Variants in PCDHA1 observed in about 807,000 individuals in gnomAD.
PCDHA1 encodes protocadherin alpha 1.
Under a neutral mutation model 61.3 loss-of-function variants are expected in PCDHA1, and 42 were observed. The observed-to-expected ratio is 0.69, with a 90% CI of 0.54 to 0.89. PCDHA1 has a LOEUF of 0.89. PCDHA1 is among the 40% of genes least tolerant of loss of function. The probability of loss-of-function intolerance (pLI) is 0.00; values close to 1 mark genes in which losing one functional copy is unlikely to be tolerated. For synonymous variants in PCDHA1, 610 were observed against 553.8 expected, an observed-to-expected ratio of 1.10 and a Z score of -1.43; for missense variants, 1,256 against 1,235.3, an observed-to-expected ratio of 1.02 and a Z score of -0.25.
intron 1 of PCDHA1, among the ~76,000 whole-genome samples, chr5:140,793,726 C>A (rs905312067): frequency 1.3e-5 from 2 of 151,942 alleles, no homozygotes; most frequent in Middle Eastern, 3.2e-3. Context: ...GTGAAGGGAT[C>A]AGCTAAAAAT....
At chr5:140,794,849 G>C in intron 1 of PCDHA1, 1 of 1,171,258 alleles carries the variant, frequency 8.5e-7, no homozygotes, top group Middle Eastern at 2.1e-4. Flanking sequence ...GAGCCCCTTT[G>C]TTACTTCAGA....
chr5:140,814,689 T>C (rs1554126575), intron 1 of PCDHA1: 1 of 152,206 alleles, frequency 6.6e-6, no homozygotes, highest in Non-Finnish European at 1.5e-5. Context: ...TACAACATTA[T>C]GACTGCTACA....
intron 1 of PCDHA1, chr5:140,815,616 AC>A (rs1291156589): frequency 6.6e-6 from 1 of 152,118 alleles, no homozygotes; most frequent in Non-Finnish European, 1.5e-5. Flanking sequence ...CTTTTGTACC[AC>A]CATTACAGTA....
chr5:140,826,083 T>C (rs1190290121), intron 1 of PCDHA1, among the ~76,000 whole-genome samples: 2 of 152,240 alleles, frequency 1.3e-5, no homozygotes, highest in Non-Finnish European at 2.9e-5. Context: ...TTCAATTTTA[T>C]AAGTACCCTT....
intron 1 of PCDHA1, among the ~76,000 whole-genome samples, chr5:140,880,962 A>G (rs1439455519): frequency 6.6e-6 from 1 of 152,224 alleles, no homozygotes; most frequent in Non-Finnish European, 1.5e-5. Context: ...GATGAGGGTA[A>G]GAGAATACCA....
At chr5:140,855,797 T>C in intron 1 of PCDHA1, 1 of 465,668 alleles carries the variant, frequency 2.1e-6, no homozygotes, top group South Asian at 4.0e-5. Context: ...AATTAACATA[T>C]GAATGAAAGA....
intron 3 of PCDHA1, among the ~76,000 whole-genome samples, chr5:140,993,108 G>A (rs1554253416): frequency 6.6e-6 from 1 of 152,202 alleles, no homozygotes; most frequent in African/African-American, 2.4e-5. Flanking sequence ...TCAGCGGTCA[G>A]TGTCACATCA....
chr5:140,927,907 G>T, intron 1 of PCDHA1: 1 of 1,614,156 alleles, frequency 6.2e-7, no homozygotes, highest in Non-Finnish European at 8.5e-7. Context: ...TCATGCCCCC[G>T]AACTGGACTT....
chr5:140,856,128 G>A lies in PCDHA1; in HGVS notation c.2394+67444G>A, dbSNP rs1554148229. On this transcript the variant is annotated intron_variant, in intron 1 of 3. Coordinates refer to ENST00000504120, the MANE Select transcript of PCDHA1 (RefSeq NM_018900.4). ...CTCCTCGCAGCCTGGGAGGTGGGGA[G>A]CGGCCAGCTCCACTACTCAGTCTAC... The A allele has an allele frequency of 1.9e-6, 3 of 1,598,140 alleles. 1 individual carries two copies. The highest frequency in any genetic ancestry group is 2.6e-6 in the Non-Finnish European group (3 of 1,167,806).
intron 1 of PCDHA1, chr5:140,862,516 G>T: frequency 2.4e-6 from 1 of 409,748 alleles, no homozygotes; most frequent in South Asian, 1.9e-5. Flanking sequence ...CGCTTTCATT[G>T]TTGGCCACAG....
intron 1 of PCDHA1, among the ~76,000 whole-genome samples, chr5:140,959,996 A>T (rs1042631849): frequency 3.3e-5 from 5 of 152,228 alleles, no homozygotes; most frequent in Admixed American, 6.5e-5. Context: ...GATATGAAAT[A>T]CAAATCTATT....
intron 1 of PCDHA1, among the ~76,000 whole-genome samples, chr5:140,952,745 A>G (rs1554220592): frequency 6.6e-6 from 1 of 152,220 alleles, no homozygotes; most frequent in African/African-American, 2.4e-5. Context: ...TCACACTGCT[A>G]TAAAAACACC....
intron 1 of PCDHA1, chr5:140,795,815 A>C: frequency 6.2e-7 from 1 of 1,613,258 alleles, no homozygotes; most frequent in Non-Finnish European, 8.5e-7. Context: ...CTCGGTAGTG[A>C]TGTGTCCTCC....
intron 1 of PCDHA1, chr5:140,865,696 A>G (rs1233175579): frequency 2.0e-5 from 3 of 152,192 alleles, no homozygotes; most frequent in African/African-American, 7.2e-5. Flanking sequence ...GACTGTTCCA[A>G]TTTGAAAGAT....
intron 1 of PCDHA1, among the ~76,000 whole-genome samples, chr5:140,800,124 A>T (rs1762509621): frequency 6.6e-6 from 1 of 152,172 alleles, no homozygotes. Context: ...TAATTACTTT[A>T]TATTGTTAAC....
intron 1 of PCDHA1, chr5:140,808,730 G>A (rs1554124735): frequency 4.3e-6 from 7 of 1,612,050 alleles, no homozygotes; most frequent in Non-Finnish European, 5.9e-6. Flanking sequence ...TGCGGAGAGC[G>A]GCAAGGTGTA....
intron 1 of PCDHA1, chr5:140,801,391 G>C: frequency 1.2e-6 from 2 of 1,613,636 alleles, no homozygotes; most frequent in Non-Finnish European, 8.5e-7. Context: ...CGCCTGTTCC[G>C]GGTGGCGTCC....
intron 1 of PCDHA1, among the ~76,000 whole-genome samples, chr5:140,944,059 T>C (rs190208662): frequency 6.6e-6 from 1 of 152,296 alleles, no homozygotes; most frequent in East Asian, 1.9e-4. Flanking sequence ...TACAAAAAGG[T>C]TTCTTGTTAA....
chr5:140,890,594 T>A (rs1439050160), intron 1 of PCDHA1, among the ~76,000 whole-genome samples: 1 of 152,150 alleles, frequency 6.6e-6, no homozygotes, highest in East Asian at 1.9e-4. Context: ...GAAGCCCTTT[T>A]CCGAATAGCT....
Sources: gnomAD v4.1 joint callset for allele counts (sites outside exome capture counted in the v4.1 genomes callset) on GRCh38, gnomAD v4.1.1 for gene constraint, MANE v1.5 for transcripts, NCBI Gene and HGNC (gene_info 2026-07-23, HGNC 2026-07-21) for gene names.